Variants in ACOT11 observed in about 807,000 individuals in gnomAD.
ACOT11 encodes the protein acyl-CoA thioesterase 11.
A neutral mutation model predicts 77.5 loss-of-function variants in ACOT11; 69 were observed. That is an observed-to-expected ratio of 0.89 (90% CI 0.73 to 1.09). ACOT11 has a LOEUF of 1.09. Among genes scored for constraint, ACOT11 ranks in the 50% least tolerant of loss-of-function variants. ACOT11 has a pLI of 0.00. For missense variants in ACOT11, 766 were observed against 813.7 expected (o/e 0.94, Z 0.71); for synonymous variants, 279 against 313.0 (o/e 0.89, Z 1.15).
intron 13 of ACOT11, 85 bp downstream of exon 13, chr1:54,605,294 A>G: frequency 2.0e-6 from 3 of 1,481,354 alleles, no homozygotes; most frequent in South Asian, 1.3e-5. Flanking sequence ...GTCATCCTCC[A>G]TGATGCTCTG....
At chr1:54,602,283 C>A (rs1379575605) in intron 9 of ACOT11, among the ~76,000 whole-genome samples, 2 of 152,244 alleles carry the variant, frequency 1.3e-5, no homozygotes, top group Non-Finnish European at 2.9e-5. Flanking sequence ...CAGCACCAGC[C>A]CCAGCCTCAG....
chr1:54,609,240 G>T lies in ACOT11; in HGVS notation c.*128G>T, dbSNP rs1325435353. 1 of 1,593,498 alleles carries T rather than the reference G, an allele frequency of 6.3e-7. No individual in the cohort carries two copies. The highest frequency in any genetic ancestry group is 1.7e-5 in the Admixed American group (1 of 58,752). On this transcript the variant is annotated 3_prime_UTR_variant, in exon 16 of 16. Transcript: ENST00000343744. ...TCCCCGTGGGAAGCCTCCGCCCTGA[G>T]GTCCGCTGGCCCACCACCCCTGGGT...
In ACOT11 at chr1:54,548,336, G is replaced by A. The variant is rs1652944799; in HGVS notation, c.27G>A (p.Leu9=). 6.2e-7 allele frequency: 1 copy of A among 1,602,458 alleles called. No homozygotes were observed. Among genetic ancestry groups the A allele is most frequent in the Non-Finnish European group, 8.5e-7 (1 of 1,175,032 alleles). Residue 9 remains leucine, a synonymous_variant, in exon 1 of 16, where the codon CTG becomes CTA. Coordinates refer to ENST00000343744, the MANE Select transcript of ACOT11 (RefSeq NM_147161.4). MIQNVGNH[L]RRGLASVFSN... is the part of the protein sequence containing the mutation. ...TGATCCAGAATGTCGGAAATCACCT[G>A]CGACGGGTATGGAGGGTGGGCTGGG...
intron 3 of ACOT11, among the ~76,000 whole-genome samples, chr1:54,591,114 G>A (rs75057473): frequency 0.044 from 6,704 of 152,084 alleles, 279 homozygotes; most frequent in East Asian, 0.18. Flanking sequence ...TGCTTCATCC[G>A]TCACTATGTC....
At chr1:54,572,134 G>A (rs920410155) in intron 1 of ACOT11, among the ~76,000 whole-genome samples, 4 of 151,946 alleles carry the variant, frequency 2.6e-5, no homozygotes, top group African/African-American at 9.7e-5. Context: ...TTCCCTGCCA[G>A]CCTCTGTTTT....
chr1:54,608,002 G>A lies in ACOT11; in HGVS notation c.1563G>A (p.Glu521=), dbSNP rs762437238. 3 of 1,613,782 alleles carry A rather than the reference G, an allele frequency of 1.9e-6. No individual in the cohort carries two copies. The highest frequency in any genetic ancestry group is 2.2e-5 in the South Asian group (2 of 91,056). Residue 521 remains glutamate (E), a synonymous_variant, in exon 15 of 16, where the codon GAG becomes GAA. Coordinates refer to ENST00000343744, the MANE Select transcript of ACOT11 (RefSeq NM_147161.4). The part of the protein sequence containing the change: ...VTLPTHRETP[E]YRRGETLCSG... ...TGCCCACACACCGAGAGACGCCAGA[G>A]TACAGACGCGGAGAGACCCTCTGCT...
intron 6 of ACOT11, among the ~76,000 whole-genome samples, chr1:54,595,401 A>G (rs574913928): frequency 5.9e-4 from 90 of 152,298 alleles, no homozygotes; most frequent in African/African-American, 2.1e-3. Context: ...GCATATATAT[A>G]TGCTTATGTG....
Position 54,575,409 on chromosome 1 carries a change from T to TG in ACOT11, c.34-9241dup, listed in dbSNP as rs1458023907. Among the ~76,000 whole-genome samples, 5 of 152,040 alleles carry TG rather than the reference T, an allele frequency of 3.3e-5. No homozygotes were observed. In the East Asian group the frequency reaches 9.7e-4, roughly 29 times the overall value. ...TTTCAGACAAGGTTATTTTTACCCT[T>TG]GGGGGTGGAGGGAGGCAGGTGACAT... is the stretch of plus-strand genomic sequence containing the variant. On this transcript the variant is annotated intron_variant, in intron 1 of 15. Coordinates refer to ENST00000343744, the MANE Select transcript of ACOT11 (RefSeq NM_147161.4).
At chr1:54,562,535 C>A (rs1237419456) in intron 1 of ACOT11, among the ~76,000 whole-genome samples, 3 of 63,042 alleles carry the variant, frequency 4.8e-5, no homozygotes, top group Non-Finnish European at 1.0e-4. Context: ...GCTGGCCGGG[C>A]GGGGGGCTGA....
intron 1 of ACOT11, among the ~76,000 whole-genome samples, chr1:54,556,540 ATCTTC>A (rs1653263550): frequency 6.6e-6 from 1 of 151,750 alleles, no homozygotes; most frequent in Non-Finnish European, 1.5e-5. Flanking sequence ...TTTCATTTAT[ATCTTC>A]TTCAATTTCT....
In ACOT11 at chr1:54,609,254, C is replaced by T. The variant is rs756840814; in HGVS notation, c.*142C>T. ...CTCCGCCCTGAGGTCCGCTGGCCCA[C>T]CACCCCTGGGTGCTCAGTTTCTACC... On this transcript the variant is annotated 3_prime_UTR_variant, in exon 16 of 16. Coordinates refer to ENST00000343744, the MANE Select transcript of ACOT11 (RefSeq NM_147161.4). 1.9e-6 allele frequency: 3 copies of T among 1,596,204 alleles called. No individual in the cohort carries two copies. The highest frequency in any genetic ancestry group is 1.1e-5 in the South Asian group (1 of 88,712).
intron 1 of ACOT11, among the ~76,000 whole-genome samples, chr1:54,569,220 C>T (rs1653850703): frequency 6.6e-6 from 1 of 151,900 alleles, no homozygotes; most frequent in Non-Finnish European, 1.5e-5. Context: ...CCTCAGCCTC[C>T]CAAAGTGCTG....
At chr1:54,614,595 A>G (rs1644151589), downstream of ACOT11, 1 of 1,159,416 alleles carries the variant, frequency 8.6e-7, no homozygotes, top group Non-Finnish European at 1.2e-6. Context: ...GGCTATATAT[A>G]GTATGATTGG....
chr1:54,609,253 AC>A lies in ACOT11; in HGVS notation c.*143del. The A allele has an allele frequency of 6.3e-7, 1 of 1,596,010 alleles. No homozygotes were observed. The highest frequency in any genetic ancestry group is 8.6e-7 in the Non-Finnish European group (1 of 1,168,962). On this transcript the variant is annotated 3_prime_UTR_variant, in exon 16 of 16. Coordinates refer to ENST00000343744, the MANE Select transcript of ACOT11 (RefSeq NM_147161.4). ...CCTCCGCCCTGAGGTCCGCTGGCCC[AC>A]CACCCCTGGGTGCTCAGTTTCTACC... is the stretch of plus-strand genomic sequence containing the variant.
At chr1:54,616,657 GC>G (rs1557672362) in intron 15 of ACOT11, among the ~76,000 whole-genome samples, 3 of 152,170 alleles carry the variant, frequency 2.0e-5, no homozygotes, top group Non-Finnish European at 4.4e-5. Context: ...ACAGGCGTGA[GC>G]CACCGTGCCC....
intron 1 of ACOT11, among the ~76,000 whole-genome samples, chr1:54,563,007 C>T (rs1403209045): frequency 6.7e-6 from 1 of 148,730 alleles, no homozygotes; most frequent in Non-Finnish European, 1.5e-5. Context: ...GACGGGGTGG[C>T]GGCCGGGCAG....
chr1:54,562,516 G>GA (rs1653560646), intron 1 of ACOT11, among the ~76,000 whole-genome samples: 1 of 92,398 alleles, frequency 1.1e-5, no homozygotes, highest in African/African-American at 4.7e-5. Context: ...CTCCCTCCCG[G>GA]ATGGGGCGGC....
chr1:54,608,236 A>T (rs901618896), intron 15 of ACOT11, among the ~76,000 whole-genome samples, 168 bp downstream of exon 15: 5 of 152,086 alleles, frequency 3.3e-5, no homozygotes, highest in African/African-American at 1.2e-4. Flanking sequence ...AAATGATCTA[A>T]TCTGTGTACA....
chr1:54,548,706 A>C, intron 1 of ACOT11: 1 of 300,642 alleles, frequency 3.3e-6, no homozygotes, highest in Non-Finnish European at 6.2e-6. Flanking sequence ...TCATGCTCAG[A>C]GCTCAGGACC....
Sources: gnomAD v4.1 joint callset for allele counts (sites outside exome capture counted in the v4.1 genomes callset) on GRCh38, gnomAD v4.1.1 for gene constraint, MANE v1.5 for transcripts, NCBI Gene and HGNC (gene_info 2026-07-23, HGNC 2026-07-21) for gene names.